Variants in KCNJ16 observed in about 807,000 individuals in gnomAD.
The protein encoded by KCNJ16 is potassium inwardly rectifying channel subfamily J member 16.
Under a neutral mutation model 18.5 loss-of-function variants are expected in KCNJ16, and 15 were observed. The observed-to-expected ratio is 0.81, with a 90% confidence interval of 0.54 to 1.25. The LOEUF (loss-of-function observed/expected upper bound fraction) is 1.25, where lower values mean the gene tolerates loss of function less well. Among genes scored for constraint, KCNJ16 ranks in the 50% most tolerant of loss-of-function variants. The pLI is 0.00. For missense variants in KCNJ16, 523 were observed against 525.7 expected, an observed-to-expected ratio of 0.99 and a Z score of 0.05; for synonymous variants, 174 against 186.5, an observed-to-expected ratio of 0.93 and a Z score of 0.55.
chr17:70,086,354 A>G (rs1383219201), intron 1 of KCNJ16, among the ~76,000 whole-genome samples: 1 of 152,238 alleles, frequency 6.6e-6, no homozygotes, highest in African/African-American at 2.4e-5. Flanking sequence ...ACATATTACT[A>G]ATGAAGTCAA....
At chr17:70,109,679 G>A (rs73382046) in intron 2 of KCNJ16, among the ~76,000 whole-genome samples, 107 of 152,074 alleles carry the variant, frequency 7.0e-4, no homozygotes, top group African/African-American at 1.8e-3. Context: ...AGCTGGATGC[G>A]TCCCAAGAAC....
intron 2 of KCNJ16, among the ~76,000 whole-genome samples, chr17:70,117,667 T>C (rs891074676): frequency 6.6e-6 from 1 of 152,178 alleles, no homozygotes; most frequent in African/African-American, 2.4e-5. Flanking sequence ...AGTGATGAAA[T>C]TTCCTTGAGG....
Position 70,132,861 on chromosome 17 carries a change from C to T in KCNJ16, c.774C>T (p.Asp258=). 6.2e-7 allele frequency: 1 copy of T among 1,614,066 alleles called. No individual in the cohort carries two copies. The highest frequency in any genetic ancestry group is 8.5e-7 in the Non-Finnish European group (1 of 1,180,038). ...CGGTAACTATTGTCCATGAAATTGACCATGAGAGCCCTCTGTATGCCCTTG... is the reference window on the plus strand; with the variant it reads ...CGGTAACTATTGTCCATGAAATTGATCATGAGAGCCCTCTGTATGCCCTTG... The part of the protein sequence containing the change: ...VTPVTIVHEI[D]HESPLYALDR... The change falls in exon 4 of 4, where the codon GAC becomes GAT. Residue 258 remains aspartate, a synonymous_variant. Coordinates refer to ENST00000392671, the MANE Select transcript of KCNJ16 (RefSeq NM_170741.4).
chr17:70,080,226 G>A (rs1388747687), intron 1 of KCNJ16, among the ~76,000 whole-genome samples: 1 of 151,958 alleles, frequency 6.6e-6, no homozygotes, highest in African/African-American at 2.4e-5. Flanking sequence ...ATATGTATGA[G>A]TCCTACCTCT....
chr17:70,103,937 C>CA (rs2072791800), intron 2 of KCNJ16, among the ~76,000 whole-genome samples: 1 of 131,998 alleles, frequency 7.6e-6, no homozygotes, highest in African/African-American at 2.9e-5. Flanking sequence ...ATTTTATTAT[C>CA]TTTTTTTTTT....
intron 1 of KCNJ16, among the ~76,000 whole-genome samples, 187 bp from the exon 2 acceptor site, chr17:70,100,471 C>T (rs1255807774): frequency 1.3e-5 from 2 of 152,152 alleles, no homozygotes; most frequent in Non-Finnish European, 2.9e-5. Flanking sequence ...TTTGTCTTTT[C>T]ACCACCCGAA....
chr17:70,077,674 GT>G (rs77277323), intron 1 of KCNJ16, among the ~76,000 whole-genome samples: 2,712 of 149,416 alleles, frequency 0.018, 29 homozygotes, highest in East Asian at 0.064. Context: ...GTTAGGCTGT[GT>G]TTTTTTTTTT....
intron 1 of KCNJ16, among the ~76,000 whole-genome samples, chr17:70,075,805 C>T (rs1263308773): frequency 6.7e-6 from 1 of 148,474 alleles, no homozygotes; most frequent in South Asian, 2.1e-4. Flanking sequence ...GTATTTTATA[C>T]CCCCCTCTTA....
At chr17:70,124,944 G>C (rs915669760) in intron 2 of KCNJ16, among the ~76,000 whole-genome samples, 3 of 151,614 alleles carry the variant, frequency 2.0e-5, no homozygotes, top group Non-Finnish European at 4.4e-5. Flanking sequence ...AGGAGCAGGG[G>C]ATCTCCCATG....
At position 70,118,125 on chromosome 17, in the gene KCNJ16, T is replaced by G. The variant is rs945006550; in HGVS notation, c.-190-12754T>G. ...AAAATAAGCTGACAAGAGGCAGATT[T>G]TATCAGTCCATTCTTACATTGCTAT... On this transcript the variant is annotated intron_variant, in intron 2 of 3. Transcript: ENST00000392671. 2.0e-5 allele frequency among the ~76,000 whole-genome samples: 3 copies of G among 152,266 alleles called. No individual in the cohort carries two copies. In the East Asian group the frequency reaches 5.8e-4, roughly 29 times the overall value.
Position 70,094,205 on chromosome 17 carries a change from T to C in KCNJ16, c.-299-6453T>C, listed in dbSNP as rs949697417. Among the ~76,000 whole-genome samples the C allele has an allele frequency of 2.6e-5, 4 of 152,212 alleles. No individual in the cohort carries two copies. The East Asian group carries it at 7.7e-4, about 29-fold the overall frequency. ...TAAAGAGAAATAACAATTGTGACAT[T>C]TGCATTTACTTAAGGCTTTGGAAAA... On this transcript the variant is annotated intron_variant, in intron 1 of 3. Transcript: ENST00000392671.
At chr17:70,094,601 T>C (rs1416207936) in intron 1 of KCNJ16, among the ~76,000 whole-genome samples, 1 of 144,524 alleles carries the variant, frequency 6.9e-6, no homozygotes, top group Non-Finnish European at 1.5e-5. Flanking sequence ...ACTTATTTAT[T>C]AGTCAATGAG....
At chr17:70,077,577 A>G (rs2071367626) in intron 1 of KCNJ16, among the ~76,000 whole-genome samples, 2 of 152,206 alleles carry the variant, frequency 1.3e-5, no homozygotes, top group Admixed American at 1.3e-4. Context: ...TGTTGTCAAG[A>G]GACAGGAAAT....
Position 70,132,183 on chromosome 17 carries a change from A to AAG in KCNJ16, c.98_99dup (p.Arg34GlufsTer43). On this transcript the variant is annotated frameshift_variant, in exon 4 of 4. Transcript: ENST00000392671. LOFTEE classifies it high-confidence loss of function. ...ACATTATAGCTGAGAAGAGAAGAGC[A>AAG]AGAAGACGATTACTTCACAAAGATG... 6.2e-7 allele frequency: 1 copy of AAG among 1,614,242 alleles called. No homozygotes were observed. Among genetic ancestry groups the AAG allele is most frequent in the East Asian group, 2.2e-5 (1 of 44,886 alleles).
At chr17:70,098,394 T>C (rs1007919898) in intron 1 of KCNJ16, among the ~76,000 whole-genome samples, 5 of 152,226 alleles carry the variant, frequency 3.3e-5, no homozygotes, top group Non-Finnish European at 7.3e-5. Context: ...CTAACTTGAA[T>C]ATTCATAACA....
At chr17:70,120,135 C>T (rs1246422749) in intron 2 of KCNJ16, among the ~76,000 whole-genome samples, 1 of 152,188 alleles carries the variant, frequency 6.6e-6, no homozygotes, top group South Asian at 2.1e-4. Flanking sequence ...ATCCCTAGGG[C>T]AGAGGCACAA....
chr17:70,081,380 A>T (rs954708263), intron 1 of KCNJ16, among the ~76,000 whole-genome samples: 1 of 152,208 alleles, frequency 6.6e-6, no homozygotes, highest in Non-Finnish European at 1.5e-5. Flanking sequence ...AGATAACAGT[A>T]TTGAGCTGAA....
intron 2 of KCNJ16, among the ~76,000 whole-genome samples, chr17:70,121,844 T>A (rs568621446): frequency 3.9e-5 from 6 of 152,254 alleles, no homozygotes; most frequent in African/African-American, 1.4e-4. Flanking sequence ...ATGCCTGTTG[T>A]CCCAGCTACG....
intron 1 of KCNJ16, among the ~76,000 whole-genome samples, chr17:70,093,625 T>C (rs913891702): frequency 6.6e-6 from 1 of 152,078 alleles, no homozygotes; most frequent in Non-Finnish European, 1.5e-5. Context: ...GACAAGAAAA[T>C]GAGAGACTCC....
Sources: allele counts gnomAD v4.1 joint callset (sites outside exome capture counted in the v4.1 genomes callset), GRCh38; gene constraint gnomAD v4.1.1; transcripts MANE v1.5; gene names NCBI Gene and HGNC (gene_info 2026-07-23, HGNC 2026-07-21).